EYS: variants seen among roughly 807,000 people sequenced by gnomAD.
The protein encoded by EYS is protein eyes shut homolog.
A neutral mutation model predicts 282.1 loss-of-function variants in EYS; 250 were observed. That is an observed-to-expected ratio of 0.89 (90% CI 0.80 to 0.98). The LOEUF is 0.98. Ranked by LOEUF, EYS falls within the 50% of genes least tolerant of loss-of-function variation. The pLI is 0.00. For missense variants in EYS, 4,016 were observed against 3,709.0 expected, an observed-to-expected ratio of 1.08 and a Z score of -2.15; for synonymous variants, 1,355 against 1,282.9, an observed-to-expected ratio of 1.06 and a Z score of -1.20.
In EYS at chr6:64,388,778, T is replaced by A. The variant is rs1772996635; in HGVS notation, c.5990A>T (p.Glu1997Val). ...TILGRNTQICESINHVLGKPL... is the reference protein window; with the variant it reads ...TILGRNTQICVSINHVLGKPL... ...TTTTCCGAGTACATGATTGATAGAT[T>A]CGCATATTTGTGTATTCCTCCCTAA... The change falls in exon 29 of 43, where the codon GAA (glutamate) becomes GTA (valine). Residue 1997 changes from glutamate (E) to valine (V), a missense_variant. Transcript: ENST00000503581. 6.5e-7 allele frequency: 1 copy of A among 1,545,102 alleles called. No individual in the cohort carries two copies. The highest frequency in any genetic ancestry group is 1.4e-5 in the African/African-American group (1 of 73,026).
At chr6:64,721,705 A>G (rs1771588003) in intron 22 of EYS, among the ~76,000 whole-genome samples, 1 of 152,188 alleles carries the variant, frequency 6.6e-6, no homozygotes, top group Non-Finnish European at 1.5e-5. Context: ...CCCAAAAGAG[A>G]ACTTTAGAGA....
At chr6:63,800,007 A>G (rs116432404) in intron 37 of EYS, among the ~76,000 whole-genome samples, 1,809 of 152,292 alleles carry the variant, frequency 0.012, 31 homozygotes, top group African/African-American at 0.042. Flanking sequence ...GCGGGGGAGA[A>G]TGGAACAGCA....
At chr6:65,347,743 C>A (rs1034887206) in intron 9 of EYS, among the ~76,000 whole-genome samples, 5 of 151,584 alleles carry the variant, frequency 3.3e-5, no homozygotes, top group Non-Finnish European at 5.9e-5. Context: ...CAATTATATT[C>A]TTTTAATTAC....
intron 11 of EYS, among the ~76,000 whole-genome samples, chr6:65,296,552 T>G (rs2150286775): frequency 6.6e-6 from 1 of 151,850 alleles, no homozygotes; most frequent in East Asian, 1.9e-4. Flanking sequence ...ATATATAAGA[T>G]TATTCAAACT....
At chr6:64,765,893 A>G (rs1773313850) in intron 22 of EYS, among the ~76,000 whole-genome samples, 1 of 152,038 alleles carries the variant, frequency 6.6e-6, no homozygotes, top group Admixed American at 6.6e-5. Flanking sequence ...CCAAAAAACC[A>G]TATCAATGGG....
At chr6:64,952,650 G>A (rs1262330000) in intron 14 of EYS, among the ~76,000 whole-genome samples, 1 of 151,938 alleles carries the variant, frequency 6.6e-6, no homozygotes, top group Non-Finnish European at 1.5e-5. Context: ...GTCAAAACAA[G>A]TGCCACATAG....
chr6:64,555,613 T>C (rs1327673193), intron 26 of EYS, among the ~76,000 whole-genome samples: 1 of 151,674 alleles, frequency 6.6e-6, no homozygotes, highest in Non-Finnish European at 1.5e-5. Flanking sequence ...ATAAACAATT[T>C]GTAATATAAA....
intron 2 of EYS, among the ~76,000 whole-genome samples, chr6:65,549,977 C>A (rs1183508504): frequency 7.3e-6 from 1 of 137,854 alleles, no homozygotes; most frequent in East Asian, 2.3e-4. Flanking sequence ...CAGGGAGGGG[C>A]AAGGTGGCAA....
intron 24 of EYS, among the ~76,000 whole-genome samples, chr6:64,606,358 C>T (rs369123239): frequency 6.6e-5 from 10 of 152,066 alleles, no homozygotes; most frequent in African/African-American, 2.4e-4. Flanking sequence ...ATTACTTGAG[C>T]CAATCTGAGC....
At chr6:64,686,879 A>ATGTG (rs1231589563) in intron 22 of EYS, among the ~76,000 whole-genome samples, 11 of 107,848 alleles carry the variant, frequency 1.0e-4, no homozygotes, top group East Asian at 6.6e-4. Context: ...GTGTATATAT[A>ATGTG]TATACACACA....
At chr6:64,864,382 C>CTTTTTTTTTTTTT (rs1562231995) in intron 19 of EYS, among the ~76,000 whole-genome samples, 3 of 40,082 alleles carry the variant, frequency 7.5e-5, no homozygotes, top group African/African-American at 1.5e-4. Context: ...GGTGCTATAC[C>CTTTTTTTTTTTTT]TTCTTTTTTT....
chr6:64,125,184 C>T (rs530973053), intron 31 of EYS, among the ~76,000 whole-genome samples: 1 of 151,966 alleles, frequency 6.6e-6, no homozygotes, highest in Non-Finnish European at 1.5e-5. Context: ...CTCGCTCTCT[C>T]TCTCTCTCAA....
At chr6:64,773,164 G>T (rs1307162811) in intron 22 of EYS, among the ~76,000 whole-genome samples, 1 of 151,648 alleles carries the variant, frequency 6.6e-6, no homozygotes, top group African/African-American at 2.4e-5. Flanking sequence ...CCTGGTGTCT[G>T]TTGGTTCCTT....
chr6:65,016,060 G>GAAAAGA (rs1772037264), intron 13 of EYS, among the ~76,000 whole-genome samples: 1 of 126,556 alleles, frequency 7.9e-6, no homozygotes, highest in South Asian at 2.6e-4. Context: ...AGAAAGAAAA[G>GAAAAGA]AAAAGAAAAA....
At position 65,493,073 on chromosome 6, in the gene EYS, G is replaced by A. The variant is rs543859687; in HGVS notation, c.748+1590C>T. ...TGGGATTACAGGCACCCGCCATTAT[G>A]CCCAGCTAATTTTTGTATTTTTGTA... On this transcript the variant is annotated intron_variant, in intron 4 of 42. Transcript: ENST00000503581. Among the ~76,000 whole-genome samples, 6 of 152,200 alleles carry A rather than the reference G, an allele frequency of 3.9e-5. No individual in the cohort carries two copies. The South Asian group carries it at 1.2e-3, about 32-fold the overall frequency.
intron 12 of EYS, among the ~76,000 whole-genome samples, chr6:65,113,346 T>C (rs1041908727): frequency 1.3e-5 from 2 of 151,908 alleles, no homozygotes; most frequent in East Asian, 3.9e-4. Flanking sequence ...ATATGATGAG[T>C]AGGTCTATAC....
At chr6:64,060,914 T>C (rs912460917) in intron 33 of EYS, among the ~76,000 whole-genome samples, 11 of 152,202 alleles carry the variant, frequency 7.2e-5, no homozygotes, top group African/African-American at 2.7e-4. Context: ...TCTTAAACCA[T>C]GCATTTCTTT....
At chr6:65,187,857 C>A (rs941699952) in intron 12 of EYS, among the ~76,000 whole-genome samples, 1 of 151,330 alleles carries the variant, frequency 6.6e-6, no homozygotes, top group African/African-American at 2.4e-5. Context: ...TTTATTTTTC[C>A]CAAATTAATT....
chr6:65,561,182 T>C lies in EYS; in HGVS notation c.-332-65189A>G, dbSNP rs574699153. ...TGGCATTTATTTTTCTACAGGCAAGTTGGGACCCACATCTTAGACTGCCAT... is the reference window on the plus strand; with the variant it reads ...TGGCATTTATTTTTCTACAGGCAAGCTGGGACCCACATCTTAGACTGCCAT... On this transcript the variant is annotated intron_variant, in intron 2 of 42. Coordinates refer to ENST00000503581, the MANE Select transcript of EYS (RefSeq NM_001142800.2). Among the ~76,000 whole-genome samples, 10 of 152,286 alleles carry C rather than the reference T, an allele frequency of 6.6e-5. No individual in the cohort carries two copies. The South Asian group carries it at 2.1e-3, about 32-fold the overall frequency.
Sources: gnomAD v4.1 joint callset for allele counts (sites outside exome capture counted in the v4.1 genomes callset) on GRCh38, gnomAD v4.1.1 for gene constraint, MANE v1.5 for transcripts, NCBI Gene and HGNC (gene_info 2026-07-23, HGNC 2026-07-21) for gene names.